COL1A1: variants seen among roughly 807,000 people sequenced by gnomAD.
COL1A1 encodes the protein collagen alpha-1(I) chain.
In COL1A1, 21 loss-of-function variants were observed where a neutral mutation model predicts 195.7. The observed-to-expected ratio is 0.11, with a 90% CI of 0.08 to 0.15. The LOEUF (loss-of-function observed/expected upper bound fraction) is 0.15. COL1A1 is among the 10% of genes least tolerant of loss of function. The probability of loss-of-function intolerance (pLI) is 1.00; values close to 1 mark genes in which losing one functional copy is unlikely to be tolerated. For synonymous variants in COL1A1, 749 were observed against 747.3 expected (o/e 1.00, Z -0.04); for missense variants, 1,365 against 2,051.0 (o/e 0.67, Z 6.46).
chr17:50,186,676 G>A lies in COL1A1; in HGVS notation c.3778C>T (p.Arg1260Cys), dbSNP rs1555571800. The A allele has an allele frequency of 1.9e-6, 3 of 1,613,766 alleles. No individual in the cohort carries two copies. Among genetic ancestry groups the A allele is most frequent in the Non-Finnish European group, 2.5e-6 (3 of 1,180,030 alleles). ...GSRKNPARTCRDLKMCHSDWK... is the reference protein window; with the variant it reads ...GSRKNPARTCCDLKMCHSDWK... ...TCAGAGTGGCACATCTTGAGGTCAC[G>A]GCAGGTGCGGGCGGGGTTCTTGCGG... The change falls in exon 48 of 51, where the codon CGT (arginine) becomes TGT (cysteine). Residue 1260 changes from arginine to cysteine, a missense_variant. Around this residue, in one of 5 missense-constraint regions of COL1A1, gnomAD observed 273 missense variants for 338.6 expected, o/e 0.81. Coordinates refer to ENST00000225964, the MANE Select transcript of COL1A1 (RefSeq NM_000088.4). The surrounding 1 kb of genome is among the most constrained non-coding windows in gnomAD (Gnocchi z 5.3).
Position 50,199,296 on chromosome 17 carries a change from A to G in COL1A1, c.401T>C (p.Ile134Thr). 1 of 1,538,328 alleles carries G rather than the reference A, an allele frequency of 6.5e-7. No individual in the cohort carries two copies. The highest frequency in any genetic ancestry group is 1.2e-5 in the South Asian group (1 of 82,974). ...TCCGGGAAGTCCAGGCTGTCCAGGG[A>G]TGCCATCTCGGCCAGGGGGGCCTGC... ...GPAGPPGRDG[I>T]PGQPGLPGPP... The change falls in exon 5 of 51, where the codon ATC becomes ACC. Residue 134 changes from isoleucine to threonine, a missense_variant. By Grantham distance (89) the Ile-to-Thr change is moderately conservative (BLOSUM62 -1). Around this residue, in one of 5 missense-constraint regions of COL1A1, gnomAD observed 194 missense variants for 221.7 expected, o/e 0.88. Coordinates refer to ENST00000225964, the MANE Select transcript of COL1A1 (RefSeq NM_000088.4).
Position 50,195,547 on chromosome 17 carries a change from A to T in COL1A1, c.1155+20T>A. 1 of 1,613,948 alleles carries T rather than the reference A, an allele frequency of 6.2e-7. No homozygotes were observed. The highest frequency in any genetic ancestry group is 8.5e-7 in the Non-Finnish European group (1 of 1,179,938). On this transcript the variant is annotated intron_variant, in intron 17 of 50. Transcript: ENST00000225964. This position sits in a 1 kb window ranked among gnomAD's most constrained non-coding sequence, Gnocchi z 4.3. ...GAGGTTAGAAAGTGGCAAAGGGGAC[A>T]CTGAGTCGGGGACACTTACAGCAGG...
Position 50,184,317 on chromosome 17 carries a change from G to T in COL1A1, c.*1185C>A, listed in dbSNP as rs527505360. ...CGGGAGGATGGGCTGCAGCTGTGGAGGAGGGTTTCAGAGGAGAGAGGTCGG... is the reference window on the plus strand; with the variant it reads ...CGGGAGGATGGGCTGCAGCTGTGGATGAGGGTTTCAGAGGAGAGAGGTCGG... On this transcript the variant is annotated 3_prime_UTR_variant, in exon 51 of 51. Coordinates refer to ENST00000225964, the MANE Select transcript of COL1A1 (RefSeq NM_000088.4). 5.0e-4 allele frequency: 116 copies of T among 231,778 alleles called. No homozygotes were observed. The highest frequency in any genetic ancestry group is 2.4e-3 in the African/African-American group (110 of 45,280). 14.4% of individuals were successfully genotyped at this position (231,778 alleles called of 1,614,324 possible). A position where few individuals can be genotyped will look rare whatever the true frequency, so the allele number is the denominator to read the frequency against.
chr17:50,197,735 A>T lies in COL1A1; in HGVS notation c.693T>A (p.Asp231Glu). The change falls in exon 9 of 51, where the codon GAT becomes GAA. Residue 231 changes from aspartate to glutamate, a missense_variant. By Grantham distance (45) the Asp-to-Glu change is conservative. Around this residue, in one of 5 missense-constraint regions of COL1A1, gnomAD observed 226 missense variants for 372.9 expected, o/e 0.61. Coordinates refer to ENST00000225964, the MANE Select transcript of COL1A1 (RefSeq NM_000088.4). ...TCTTCTTGCTGGGGATACTTACATC[A>T]TCTCCATTCTTTCCAGGGGGACCTG... is the stretch of plus-strand genomic sequence containing the variant. The part of the protein sequence containing the change: ...GPPGPPGKNG[D>E]DGEAGKPGRP... The T allele has an allele frequency of 6.3e-7, 1 of 1,588,726 alleles. No homozygotes were observed. The highest frequency in any genetic ancestry group is 8.5e-7 in the Non-Finnish European group (1 of 1,171,352).
Position 50,188,954 on chromosome 17 carries a change from A to G in COL1A1, c.2994T>C (p.Gly998=), listed in dbSNP as rs1598288629. 6.2e-7 allele frequency: 1 copy of G among 1,613,670 alleles called. No individual in the cohort carries two copies. Among genetic ancestry groups the G allele is most frequent in the Non-Finnish European group, 8.5e-7 (1 of 1,179,802 alleles). ...SGASGERGPP[G]PMGPPGLAGP... is the part of the protein sequence containing the mutation. ...CAGCCAATCCAGGGGGGCCCATGGGACCAGGGGGACCACGTTCACCACTTG... is the reference window on the plus strand; with the variant it reads ...CAGCCAATCCAGGGGGGCCCATGGGGCCAGGGGGACCACGTTCACCACTTG... Residue 998 remains glycine (G), a synonymous_variant, in exon 41 of 51, where the codon GGT becomes GGC. Coordinates refer to ENST00000225964, the MANE Select transcript of COL1A1 (RefSeq NM_000088.4). This position sits in a 1 kb window ranked among gnomAD's most constrained non-coding sequence, Gnocchi z 5.6.
intron 1 of COL1A1, chr17:50,200,285 A>T: frequency 2.6e-6 from 1 of 391,922 alleles, no homozygotes; most frequent in East Asian, 5.6e-5. Context: ...GGAGAATAGG[A>T]GGGGCCCCAT....
chr17:50,192,958 A>G (rs749294481), intron 26 of COL1A1, 36 bp downstream of exon 26: 2 of 1,613,466 alleles, frequency 1.2e-6, no homozygotes, highest in Non-Finnish European at 1.7e-6. Context: ...CGGGGCAGCA[A>G]TGGGAAGGAG....
At chr17:50,192,742 G>T in intron 27 of COL1A1, 49 bp from the exon 28 acceptor site, 1 of 1,613,874 alleles carries the variant, frequency 6.2e-7, no homozygotes, top group South Asian at 1.1e-5. Context: ...GAGACGAGGG[G>T]CTGAGGGTGT....
At position 50,196,006 on chromosome 17, in the gene COL1A1, A is replaced by G. The variant is rs199805116; in HGVS notation, c.1003-30T>C. The G allele has an allele frequency of 3.1e-5, 50 of 1,598,158 alleles. No homozygotes were observed. The East Asian group carries it at 1.1e-3, about 34-fold the overall frequency. On this transcript the variant is annotated intron_variant, in intron 15 of 50. Coordinates refer to ENST00000225964, the MANE Select transcript of COL1A1 (RefSeq NM_000088.4). ...GAATGAAATGGAGATGTCAGCGAGA[A>G]GGAAGAGATGGCAGCTGCAAGTCAC...
In COL1A1 at chr17:50,191,932, G is replaced by A. The variant is rs1320107594; in HGVS notation, c.2029-46C>T. The A allele has an allele frequency of 3.7e-6, 6 of 1,608,742 alleles. No homozygotes were observed. The African/African-American group carries it at 5.3e-5, about 14-fold the overall frequency. On this transcript the variant is annotated intron_variant, in intron 30 of 50. Coordinates refer to ENST00000225964, the MANE Select transcript of COL1A1 (RefSeq NM_000088.4). Reference sequence around the variant, plus strand: ...ATGTGAAGGCTGCTCTGGAGATAGGGCCAAGTACGACGCACCTTGACGGAT... The same window carrying A: ...ATGTGAAGGCTGCTCTGGAGATAGGACCAAGTACGACGCACCTTGACGGAT...
In COL1A1 at chr17:50,191,339, T is replaced by C. The variant is rs754165437; in HGVS notation, c.2235+44A>G. 1.2e-5 allele frequency: 18 copies of C among 1,505,666 alleles called. No individual in the cohort carries two copies. The African/African-American group carries it at 1.5e-4, about 13-fold the overall frequency. 93.3% of individuals were successfully genotyped at this position (1,505,666 alleles called of 1,614,324 possible). A position where few individuals can be genotyped will look rare whatever the true frequency, so the allele number is the denominator to read the frequency against. On this transcript the variant is annotated intron_variant, in intron 32 of 50. Coordinates refer to ENST00000225964, the MANE Select transcript of COL1A1 (RefSeq NM_000088.4). The stretch of plus-strand genomic sequence containing the variant: ...CTGAGAGATTCAAAGCAGGCAGAGA[T>C]GGGAGCCATGTAGGGCTCAGGGGAG...
In COL1A1 at chr17:50,196,139, T is replaced by C; in HGVS notation, c.1002+16A>G. On this transcript the variant is annotated intron_variant, in intron 15 of 50. Transcript: ENST00000225964. ...CTCCCCACTCCCAGGCCCTGAGGCC[T>C]ACAGGCCACACTCACAGGGGGCCCG... 1.2e-6 allele frequency: 2 copies of C among 1,613,930 alleles called. No homozygotes were observed. Among genetic ancestry groups the C allele is most frequent in the African/African-American group, 2.7e-5 (2 of 74,998 alleles).
Position 50,190,620 on chromosome 17 carries a change from C to G in COL1A1, c.2344-24G>C. ...CCCTGAGAGCAAGGGACAAGAGGCT[C>G]AGGGTCAGGGCCTCCCCTGAATACT... On this transcript the variant is annotated intron_variant, in intron 33 of 50. Coordinates refer to ENST00000225964, the MANE Select transcript of COL1A1 (RefSeq NM_000088.4). This position sits in a 1 kb window ranked among gnomAD's most constrained non-coding sequence, Gnocchi z 4.7. 1.2e-6 allele frequency: 2 copies of G among 1,612,120 alleles called. No individual in the cohort carries two copies. Among genetic ancestry groups the G allele is most frequent in the East Asian group, 2.2e-5 (1 of 44,828 alleles).
chr17:50,185,450 T>C lies in COL1A1; in HGVS notation c.*52A>G. The C allele has an allele frequency of 1.2e-6, 2 of 1,608,742 alleles. No individual in the cohort carries two copies. The highest frequency in any genetic ancestry group is 2.2e-5 in the East Asian group (1 of 44,780). On this transcript the variant is annotated 3_prime_UTR_variant, in exon 51 of 51. Transcript: ENST00000225964. ...TTTGGGTTGCTTGTCTGTTTCCGGGTTGGGGGGAAAGTTGGTTGGGTGGGA... is the reference window on the plus strand; with the variant it reads ...TTTGGGTTGCTTGTCTGTTTCCGGGCTGGGGGGAAAGTTGGTTGGGTGGGA...
chr17:50,199,645 C>G (rs1408268770), intron 2 of COL1A1, 55 bp from the exon 3 acceptor site: 1 of 1,613,086 alleles, frequency 6.2e-7, no homozygotes, highest in Non-Finnish European at 8.5e-7. Flanking sequence ...CTGCTCCCGT[C>G]GGCAGAGGCC....
chr17:50,198,339 G>T (rs2144588509), intron 6 of COL1A1, 94 bp downstream of exon 6: 1 of 1,546,652 alleles, frequency 6.5e-7, no homozygotes, highest in Non-Finnish European at 8.9e-7. Flanking sequence ...AAGGTGATCT[G>T]GACCTCCCAA....
At position 50,195,463 on chromosome 17, in the gene COL1A1, C is replaced by T. The variant is rs1270965996; in HGVS notation, c.1171G>A (p.Asp391Asn). 4 of 1,614,150 alleles carry T rather than the reference C, an allele frequency of 2.5e-6. No homozygotes were observed. The highest frequency in any genetic ancestry group is 3.4e-6 in the Non-Finnish European group (4 of 1,180,006). Residue 391 changes from aspartate (D) to asparagine (N), a missense_variant, in exon 18 of 51, where the codon GAT becomes AAT. By Grantham distance (23) the Asp-to-Asn change is conservative. Coordinates refer to ENST00000225964, the MANE Select transcript of COL1A1 (RefSeq NM_000088.4). This position sits in a 1 kb window ranked among gnomAD's most constrained non-coding sequence, Gnocchi z 4.3. ...AAGPAGNPGA[D>N]GQPGAKGANG... Reference sequence around the variant, plus strand: ...GCACCTTTAGCACCAGGCTGTCCATCAGCACCAGGGTTTCCCTGTGGCACA... The same window carrying T: ...GCACCTTTAGCACCAGGCTGTCCATTAGCACCAGGGTTTCCCTGTGGCACA...
In COL1A1 at chr17:50,196,498, C is replaced by T; in HGVS notation, c.889G>A (p.Ala297Thr). 6.2e-7 allele frequency: 1 copy of T among 1,614,204 alleles called. No individual in the cohort carries two copies. The highest frequency in any genetic ancestry group is 8.5e-7 in the Non-Finnish European group (1 of 1,180,044). Reference protein sequence around the residue: ...GEPGSPGENGAPGQMGPRGLP... With the variant: ...GEPGSPGENGTPGQMGPRGLP... ...GGCACACTCACCATCTGACCAGGAG[C>T]TCCATTTTCACCAGGGCTGCCAGGC... The change falls in exon 13 of 51, where the codon GCT (alanine) becomes ACT (threonine). Residue 297 changes from alanine to threonine, a missense_variant. Coordinates refer to ENST00000225964, the MANE Select transcript of COL1A1 (RefSeq NM_000088.4).
Position 50,199,316 on chromosome 17 carries a change from G to C in COL1A1, c.381C>G (p.Gly127=). 1 of 1,550,814 alleles carries C rather than the reference G, an allele frequency of 6.4e-7. No homozygotes were observed. ...TGPRGPRGPA[G]PPGRDGIPGQ... ...CAGGGATGCCATCTCGGCCAGGGGGGCCTGCGGGTCCCTGCAGGGGGAGAG... is the reference window on the plus strand; with the variant it reads ...CAGGGATGCCATCTCGGCCAGGGGGCCCTGCGGGTCCCTGCAGGGGGAGAG... The change falls in exon 5 of 51, where the codon GGC becomes GGG. Residue 127 remains glycine, a synonymous_variant. Coordinates refer to ENST00000225964, the MANE Select transcript of COL1A1 (RefSeq NM_000088.4).
Sources: gnomAD v4.1 joint callset for allele counts on GRCh38, gnomAD v4.1.1 for gene constraint, gnomAD v4.1.1 regional missense constraint, Gnocchi (gnomAD v3.1) non-coding constraint, MANE v1.5 for transcripts, NCBI Gene and HGNC (gene_info 2026-07-23, HGNC 2026-07-21) for gene names.